Variants in PIGZ observed in about 807,000 individuals in gnomAD.
The protein encoded by PIGZ is GPI alpha-1,2-mannosyltransferase 4.
In PIGZ, 16 loss-of-function variants were observed where a neutral mutation model predicts 16.4. The observed-to-expected ratio is 0.97, with a 90% CI of 0.66 to 1.48. The LOEUF (loss-of-function observed/expected upper bound fraction) is 1.48. Ranked by LOEUF, PIGZ falls within the 40% of genes most tolerant of loss-of-function variation. The pLI, the probability that PIGZ is intolerant of heterozygous loss-of-function variation, is 0.00. For missense variants in PIGZ, 770 were observed against 739.2 expected, an observed-to-expected ratio of 1.04 and a Z score of -0.48; for synonymous variants, 409 against 338.4, an observed-to-expected ratio of 1.21 and a Z score of -2.29.
At chr3:196,950,462 CCTG>C (rs1304689249) in intron 2 of PIGZ, among the ~76,000 whole-genome samples, 1 of 152,208 alleles carries the variant, frequency 6.6e-6, no homozygotes, top group African/African-American at 2.4e-5. Context: ...TGCTTGATCA[CCTG>C]CTGGCTGTTT....
intron 1 of PIGZ, among the ~76,000 whole-genome samples, chr3:196,964,384 G>T (rs745340554): frequency 6.1e-5 from 9 of 146,904 alleles, no homozygotes; most frequent in Admixed American, 2.1e-4. Context: ...TTTTGAGATG[G>T]AGTCTTGCTT....
At chr3:196,962,665 G>A (rs957803340) in intron 1 of PIGZ, among the ~76,000 whole-genome samples, 12 of 117,366 alleles carry the variant, frequency 1.0e-4, no homozygotes, top group Admixed American at 2.3e-4. Flanking sequence ...TTTACTGCAC[G>A]GCAATACTGA....
intron 1 of PIGZ, among the ~76,000 whole-genome samples, chr3:196,960,741 A>G (rs1717686567): frequency 6.7e-6 from 1 of 149,994 alleles, no homozygotes. Context: ...AAGAAAGAGA[A>G]AGAAAGAAAG....
In PIGZ at chr3:196,948,007, A is replaced by C. The variant is rs777872535; in HGVS notation, c.890T>G (p.Leu297Trp). Residue 297 changes from leucine to tryptophan, a missense_variant, in exon 3 of 3, where the codon TTG becomes TGG. By Grantham distance (61) the Leu-to-Trp change is moderately conservative. Coordinates refer to ENST00000412723, the MANE Select transcript of PIGZ (RefSeq NM_025163.4). ...GTTTTGGGGATTCAGGTTGTAGTGC[A>C]AGAAGTTGACAGGTGTCAGGACAAG... ...RNLVLTPVNF[L>W]HYNLNPQNLA... is the part of the protein sequence containing the mutation. 3.1e-6 allele frequency: 5 copies of C among 1,600,460 alleles called. No individual in the cohort carries two copies. The South Asian group carries it at 5.6e-5, about 18-fold the overall frequency.
intron 1 of PIGZ, among the ~76,000 whole-genome samples, chr3:196,953,444 T>C (rs1456159926): frequency 6.6e-6 from 1 of 152,200 alleles, no homozygotes; most frequent in Non-Finnish European, 1.5e-5. Context: ...AACCTGCCTT[T>C]TGGAAGGTGA....
Position 196,947,424 on chromosome 3 carries a change from C to G in PIGZ, c.1473G>C (p.Glu491Asp), listed in dbSNP as rs768338887. ...TCAGGGTTTGGCACAGGGCCCAGTC[C>G]TCAGTCCCCCCCATGTCCACCACCT... ...PVEVVDMGGT[E>D]DWALCQTLKS... is the part of the protein sequence containing the mutation. Residue 491 changes from glutamate to aspartate, a missense_variant, in exon 3 of 3, where the codon GAG (glutamate) becomes GAC (aspartate). Physicochemically the swap from Glu to Asp is conservative, Grantham distance 45. Coordinates refer to ENST00000412723, the MANE Select transcript of PIGZ (RefSeq NM_025163.4). 6.2e-7 allele frequency: 1 copy of G among 1,613,744 alleles called. No individual in the cohort carries two copies. Among genetic ancestry groups the G allele is most frequent in the Non-Finnish European group, 8.5e-7 (1 of 1,180,048 alleles).
rs1560176534 is a variant in PIGZ at position 196,947,269 on chromosome 3, A to G, written c.1628T>C (p.Leu543Pro). ...CTCCAGGGTCAGATGGGGAAATAAAAGTGTTTCATTCTTGAAGGGGAAGCT... is the reference window on the plus strand; with the variant it reads ...CTCCAGGGTCAGATGGGGAAATAAAGGTGTTTCATTCTTGAAGGGGAAGCT... Reference protein sequence around the residue: ...KCSFPFKNETLLFPHLTLEDP... With the variant: ...KCSFPFKNETPLFPHLTLEDP... Residue 543 changes from leucine to proline, a missense_variant, in exon 3 of 3, where the codon CTT (leucine) becomes CCT (proline). Coordinates refer to ENST00000412723, the MANE Select transcript of PIGZ (RefSeq NM_025163.4). The G allele has an allele frequency of 6.2e-7, 1 of 1,614,030 alleles. No individual in the cohort carries two copies. Among genetic ancestry groups the G allele is most frequent in the Admixed American group, 1.7e-5 (1 of 59,996 alleles).
chr3:196,950,849 A>G (rs1237601885), intron 2 of PIGZ, among the ~76,000 whole-genome samples: 6 of 151,950 alleles, frequency 3.9e-5, no homozygotes, highest in African/African-American at 9.7e-5. Flanking sequence ...GGTTCAAGCA[A>G]TTCTCCTGCC....
chr3:196,947,312 G>C lies in PIGZ; in HGVS notation c.1585C>G (p.Arg529Gly), dbSNP rs149459394. ...LFVVTPGTTR[R>G]AVEKCSFPFK... ...GGGAAGCTGCACTTCTCCACGGCAC[G>C]CCTGGTGGTGCCAGGGGTTACCACA... Residue 529 changes from arginine to glycine, a missense_variant, in exon 3 of 3, where the codon CGT (arginine) becomes GGT (glycine). Coordinates refer to ENST00000412723, the MANE Select transcript of PIGZ (RefSeq NM_025163.4). 6.2e-7 allele frequency: 1 copy of C among 1,614,150 alleles called. No individual in the cohort carries two copies. The highest frequency in any genetic ancestry group is 8.5e-7 in the Non-Finnish European group (1 of 1,180,004).
At chr3:196,957,702 T>C (rs1717555223) in intron 1 of PIGZ, among the ~76,000 whole-genome samples, 1 of 152,088 alleles carries the variant, frequency 6.6e-6, no homozygotes, top group Non-Finnish European at 1.5e-5. Flanking sequence ...TAGGCCACCT[T>C]TATATTAGAA....
chr3:196,951,079 A>C (rs1331955253), intron 2 of PIGZ, among the ~76,000 whole-genome samples: 1 of 152,232 alleles, frequency 6.6e-6, no homozygotes, highest in East Asian at 1.9e-4. Flanking sequence ...TTGGTCAGAT[A>C]TAAAGACTAT....
chr3:196,960,438 G>A (rs1262174589), intron 1 of PIGZ, among the ~76,000 whole-genome samples: 2 of 152,090 alleles, frequency 1.3e-5, no homozygotes, highest in African/African-American at 2.4e-5. Flanking sequence ...TTGGGAGGCC[G>A]AGGCGGGTGG....
intron 1 of PIGZ, among the ~76,000 whole-genome samples, chr3:196,956,992 A>T (rs1356858491): frequency 3.3e-5 from 5 of 152,138 alleles, no homozygotes; most frequent in Admixed American, 6.5e-5. Flanking sequence ...TAGTTAGTGA[A>T]TTATTTTATT....
chr3:196,948,965 C>CCTT (rs1717120980), intron 2 of PIGZ, among the ~76,000 whole-genome samples: 1 of 29,622 alleles, frequency 3.4e-5, no homozygotes. Context: ...TCCCTTCCTT[C>CCTT]CCTTCCCCTC....
intron 1 of PIGZ, among the ~76,000 whole-genome samples, chr3:196,953,796 G>C (rs968196275): frequency 4.7e-5 from 7 of 148,154 alleles, no homozygotes; most frequent in African/African-American, 1.8e-4. Flanking sequence ...AAACCAGGAG[G>C]TCAGACCAGC....
intron 2 of PIGZ, 127 bp from the exon 3 acceptor site, chr3:196,948,812 G>A (rs538366101): frequency 9.3e-5 from 51 of 548,770 alleles, no homozygotes; most frequent in African/African-American, 8.0e-4. Context: ...GACTGTGCAC[G>A]GGCTGGATTT....
At chr3:196,962,655 TTTACTGCACGGCAATACTGA>T (rs992428330) in intron 1 of PIGZ, among the ~76,000 whole-genome samples, 168 of 117,660 alleles carry the variant, frequency 1.4e-3, no homozygotes, top group African/African-American at 6.1e-3. Context: ...AATACTGATC[TTTACTGCACGGCAATACTGA>T]TCTTTACTGC....
rs935148859 is a variant in PIGZ, at chr3:196,948,672, G to A, written c.225C>T (p.Gly75=). The change falls in exon 3 of 3, where the codon GGC becomes GGT. Residue 75 remains glycine, a synonymous_variant. Coordinates refer to ENST00000412723, the MANE Select transcript of PIGZ (RefSeq NM_025163.4). ...ACTCCCAGGGCCGCGCGGCCTGAAC[G>A]CCCAGGATGTCCTCTGCAGAGAGAG... ...SPEVMAEDIL[G]VQAARPWEFY... is the part of the protein sequence containing the mutation. 1.9e-5 allele frequency: 28 copies of A among 1,454,338 alleles called. No individual in the cohort carries two copies. Among genetic ancestry groups the A allele is most frequent in the East Asian group, 1.2e-4 (5 of 40,242 alleles). The allele number at this position is 1,454,338 out of a possible 1,614,324, so 90.1% of individuals were successfully genotyped here.
At chr3:196,955,948 AT>A (rs202090252) in intron 1 of PIGZ, among the ~76,000 whole-genome samples, 29 of 149,526 alleles carry the variant, frequency 1.9e-4, no homozygotes, top group African/African-American at 5.9e-4. Context: ...TGTTTTTTCA[AT>A]TTTTTTTGTC....
Sources: gnomAD v4.1 joint callset for allele counts (sites outside exome capture counted in the v4.1 genomes callset) on GRCh38, gnomAD v4.1.1 for gene constraint, MANE v1.5 for transcripts, NCBI Gene and HGNC (gene_info 2026-07-23, HGNC 2026-07-21) for gene names.